The following PCDHA10 variants were observed in gnomAD, a reference collection of about 807,000 sequenced individuals.
The protein encoded by PCDHA10 is protocadherin alpha-10.
Under a neutral mutation model 61.2 loss-of-function variants are expected in PCDHA10, and 45 were observed. The ratio of observed to expected loss-of-function variants is 0.74; its 90% CI spans 0.58 to 0.94. The LOEUF is 0.94. Ranked by LOEUF, PCDHA10 falls within the 40% of genes least tolerant of loss-of-function variation. The pLI is 0.00. For synonymous variants in PCDHA10, 602 were observed against 548.8 expected, an observed-to-expected ratio of 1.10 and a Z score of -1.35; for missense variants, 1,278 against 1,236.2, an observed-to-expected ratio of 1.03 and a Z score of -0.51.
intron 1 of PCDHA10, chr5:140,866,969 G>A (rs533294537): frequency 6.6e-6 from 1 of 152,230 alleles, no homozygotes; most frequent in South Asian, 2.1e-4. Context: ...GGTGACATCT[G>A]AAATATCACA....
intron 1 of PCDHA10, among the ~76,000 whole-genome samples, chr5:140,898,095 T>C (rs1196262591): frequency 7.9e-5 from 12 of 152,170 alleles, no homozygotes; most frequent in Non-Finnish European, 1.6e-4. Flanking sequence ...ATTAGCCCTT[T>C]GTCAGATGAG....
chr5:140,903,192 G>A (rs2070083529), intron 1 of PCDHA10, among the ~76,000 whole-genome samples: 1 of 152,160 alleles, frequency 6.6e-6, no homozygotes, highest in South Asian at 2.1e-4. Flanking sequence ...GTATAAAAGA[G>A]TGTCCTTTTC....
Position 140,856,871 on chromosome 5 carries a change from G to T in PCDHA10, c.823G>T (p.Glu275Ter). The T allele has an allele frequency of 6.3e-7, 1 of 1,595,048 alleles. No individual in the cohort carries two copies. Among genetic ancestry groups the T allele is most frequent in the Non-Finnish European group, 8.6e-7 (1 of 1,164,924 alleles). Residue 275 changes from glutamate to a stop codon, truncating the protein, a stop_gained, in exon 1 of 4, where the codon GAA (glutamate) becomes TAA (stop). Coordinates refer to ENST00000307360, the MANE Select transcript of PCDHA10 (RefSeq NM_018901.4). LOFTEE classifies it high-confidence loss of function. ...ASDSDEGINKEMMYSFSSLVP... is the reference protein window; with the variant it reads ...ASDSDEGINK ...TGATTCGGATGAAGGAATAAACAAG[G>T]AAATGATGTATTCATTTAGCTCTTT...
Position 140,928,056 on chromosome 5 carries a change from G to A in PCDHA10, c.2389-50893G>A, listed in dbSNP as rs183490994. ...CTAGTGCAGGCCCTTTTCAGCTGAC[G>A]GCTTCCTTTGACAACTACTACAGCC... On this transcript the variant is annotated intron_variant, in intron 1 of 3. Coordinates refer to ENST00000307360, the MANE Select transcript of PCDHA10 (RefSeq NM_018901.4). The A allele has an allele frequency of 2.8e-5, 45 of 1,614,154 alleles. 1 individual carries two copies. The East Asian group carries it at 4.7e-4, about 17-fold the overall frequency.
Position 140,858,182 on chromosome 5 carries a change from A to T in PCDHA10, c.2134A>T (p.Thr712Ser). ...CGCGGTGTCCAGCTTGCTGGTGCTCACGCTGCTGCTGTACACTGCACTGAG... is the reference window on the plus strand; with the variant it reads ...CGCGGTGTCCAGCTTGCTGGTGCTCTCGCTGCTGCTGTACACTGCACTGAG... Reference protein sequence around the residue: ...ICAVSSLLVLTLLLYTALRCS... With the variant: ...ICAVSSLLVLSLLLYTALRCS... Residue 712 changes from threonine (T) to serine (S), a missense_variant, in exon 1 of 4, where the codon ACG (threonine) becomes TCG (serine). Transcript: ENST00000307360. 1 of 1,597,504 alleles carries T rather than the reference A, an allele frequency of 6.3e-7. No individual in the cohort carries two copies.
intron 1 of PCDHA10, among the ~76,000 whole-genome samples, chr5:140,935,104 A>G (rs1233919640): frequency 2.0e-5 from 3 of 152,126 alleles, no homozygotes; most frequent in Non-Finnish European, 4.4e-5. Context: ...GCCATTTTTC[A>G]AAGAGCTTTC....
chr5:140,954,673 CTT>C (rs1173553071), intron 1 of PCDHA10, among the ~76,000 whole-genome samples: 2 of 152,076 alleles, frequency 1.3e-5, no homozygotes, highest in South Asian at 4.1e-4. Flanking sequence ...GGATATTAGA[CTT>C]TTGTCAGATG....
chr5:140,927,529 C>G, intron 1 of PCDHA10: 2 of 1,614,098 alleles, frequency 1.2e-6, no homozygotes, highest in South Asian at 1.1e-5. Flanking sequence ...GCTACCTGCC[C>G]GCTCAGGAGA....
intron 1 of PCDHA10, chr5:140,968,520 C>A: frequency 6.2e-7 from 1 of 1,614,194 alleles, no homozygotes; most frequent in Non-Finnish European, 8.5e-7. Flanking sequence ...CCTACCTCAA[C>A]CAACTCGTCA....
intron 1 of PCDHA10, among the ~76,000 whole-genome samples, chr5:140,921,561 T>C (rs373696344): frequency 6.6e-6 from 1 of 152,194 alleles, no homozygotes; most frequent in South Asian, 2.1e-4. Context: ...AGCTCTATTA[T>C]GTTATAGTAG....
rs2043697360 is a variant in PCDHA10 at position 140,855,962 on chromosome 5, G to A, written c.-87G>A. The A allele has an allele frequency of 3.6e-6, 5 of 1,403,344 alleles. No individual in the cohort carries two copies. Among genetic ancestry groups the A allele is most frequent in the Non-Finnish European group, 4.8e-6 (5 of 1,032,102 alleles). 86.9% of individuals were successfully genotyped at this position (1,403,344 alleles called of 1,614,324 possible). On this transcript the variant is annotated 5_prime_UTR_variant, in exon 1 of 4. Transcript: ENST00000307360. ...ATCTCAGCCATTTCGATAAAAAATA[G>A]ATATAAGAAATAGGACAGAAAATGT...
intron 1 of PCDHA10, among the ~76,000 whole-genome samples, chr5:140,905,945 T>C (rs2072222090): frequency 6.6e-6 from 1 of 152,150 alleles, no homozygotes; most frequent in Non-Finnish European, 1.5e-5. Flanking sequence ...GAACTTGGAA[T>C]CCGATGTTCA....
intron 1 of PCDHA10, chr5:140,870,427 G>C: frequency 6.2e-7 from 1 of 1,614,220 alleles, no homozygotes; most frequent in Non-Finnish European, 8.5e-7. Context: ...CAGGGTATCC[G>C]TGGAGGTGGC....
At chr5:140,949,453 A>T (rs1284957540) in intron 1 of PCDHA10, among the ~76,000 whole-genome samples, 4 of 151,762 alleles carry the variant, frequency 2.6e-5, no homozygotes, top group African/African-American at 9.7e-5. Flanking sequence ...TGCTTCATGT[A>T]ATTTGAAGCC....
At chr5:140,972,275 G>A (rs548735122) in intron 1 of PCDHA10, among the ~76,000 whole-genome samples, 1 of 150,974 alleles carries the variant, frequency 6.6e-6, no homozygotes, top group African/African-American at 2.4e-5. Flanking sequence ...GAGTAGCTTG[G>A]ACCATAGATG....
chr5:141,004,486 C>CT (rs2098167953), intron 3 of PCDHA10, among the ~76,000 whole-genome samples: 2 of 152,200 alleles, frequency 1.3e-5, no homozygotes, highest in South Asian at 4.1e-4. Flanking sequence ...TGGATTAACT[C>CT]TTGGCAGTCC....
intron 1 of PCDHA10, among the ~76,000 whole-genome samples, chr5:140,924,911 TA>T (rs1563069164): frequency 3.0e-4 from 18 of 59,772 alleles, no homozygotes; most frequent in Middle Eastern, 7.5e-3. Flanking sequence ...AAAAATAAAA[TA>T]AAATAAAATA....
chr5:140,949,277 G>T (rs934497662), intron 1 of PCDHA10, among the ~76,000 whole-genome samples: 2 of 151,734 alleles, frequency 1.3e-5, no homozygotes, highest in African/African-American at 2.4e-5. Context: ...CACTTGAAAA[G>T]AATGTATATT....
At chr5:140,870,483 C>G (rs782740203) in intron 1 of PCDHA10, 10 of 1,614,240 alleles carry the variant, frequency 6.2e-6, no homozygotes, top group Middle Eastern at 1.6e-4. Context: ...CCGAGTACAC[C>G]GTGTTCGTGA....
Sources: gnomAD v4.1 joint callset for allele counts (sites outside exome capture counted in the v4.1 genomes callset) on GRCh38, gnomAD v4.1.1 for gene constraint, MANE v1.5 for transcripts, NCBI Gene and HGNC (gene_info 2026-07-23, HGNC 2026-07-21) for gene names.